The following ANKRD46 variants were observed in gnomAD, a reference collection of about 807,000 sequenced individuals.
ANKRD46 encodes the protein ankyrin repeat domain 46.
In ANKRD46, 13 loss-of-function variants were observed where a neutral mutation model predicts 19.8. The observed-to-expected ratio is 0.66, with a 90% CI of 0.43 to 1.04. ANKRD46 has a LOEUF of 1.04. Ranked by LOEUF, ANKRD46 falls within the 50% of genes least tolerant of loss-of-function variation. The probability of loss-of-function intolerance (pLI) is 0.00; values close to 1 mark genes in which losing one functional copy is unlikely to be tolerated. For synonymous variants in ANKRD46, 91 were observed against 106.9 expected, an observed-to-expected ratio of 0.85 and a Z score of 0.92; for missense variants, 185 against 274.8, an observed-to-expected ratio of 0.67 and a Z score of 2.31.
At chr8:100,553,945 T>C (rs1293570924) in intron 1 of ANKRD46, among the ~76,000 whole-genome samples, 2 of 152,260 alleles carry the variant, frequency 1.3e-5, no homozygotes, top group African/African-American at 4.8e-5. Flanking sequence ...TGCATTTGTT[T>C]CTGATTTACT....
intron 1 of ANKRD46, among the ~76,000 whole-genome samples, chr8:100,538,840 A>C (rs1812117595): frequency 1.3e-5 from 2 of 152,194 alleles, no homozygotes. Context: ...TACCACAGAG[A>C]GACAATTTTC....
chr8:100,558,775 G>A lies in ANKRD46; in HGVS notation c.-131+936C>T, dbSNP rs1192513263. Among the ~76,000 whole-genome samples the A allele has an allele frequency of 2.0e-5, 3 of 152,146 alleles. No individual in the cohort carries two copies. The East Asian group carries it at 5.8e-4, about 29-fold the overall frequency. Reference sequence around the variant, plus strand: ...AGCCTTTGCTAGCTTTCTGACCTTGGAGAAGTCAGACTCTCGGTGCCTCAG... The same window carrying A: ...AGCCTTTGCTAGCTTTCTGACCTTGAAGAAGTCAGACTCTCGGTGCCTCAG... On this transcript the variant is annotated intron_variant, in intron 1 of 4. Coordinates refer to ENST00000335659, the MANE Select transcript of ANKRD46 (RefSeq NM_001270377.2).
intron 1 of ANKRD46, among the ~76,000 whole-genome samples, chr8:100,555,126 T>C (rs1382376896): frequency 2.0e-5 from 3 of 152,156 alleles, no homozygotes; most frequent in Admixed American, 1.3e-4. Flanking sequence ...AATAGTGTCT[T>C]TTATAGAATG....
In ANKRD46 at chr8:100,522,229, G is replaced by A. The variant is rs1811738139; in HGVS notation, c.*326C>T. The A allele has an allele frequency of 2.7e-6, 3 of 1,098,330 alleles. No homozygotes were observed. The highest frequency in any genetic ancestry group is 3.3e-6 in the Non-Finnish European group (3 of 899,156). 68.0% of individuals were successfully genotyped at this position (1,098,330 alleles called of 1,614,324 possible). The stretch of plus-strand genomic sequence containing the variant: ...TCAATTGGTCCTATATTAGGATAAG[G>A]TTTTGATAGCAAGGACTTCCTAGCT... On this transcript the variant is annotated 3_prime_UTR_variant, in exon 5 of 5. Transcript: ENST00000335659.
At chr8:100,541,814 T>C (rs903875978) in intron 1 of ANKRD46, among the ~76,000 whole-genome samples, 10 of 152,200 alleles carry the variant, frequency 6.6e-5, no homozygotes, top group Admixed American at 5.9e-4. Flanking sequence ...TCCCATAAGA[T>C]TAGAATATTC....
rs947868422 is a variant in ANKRD46 at position 100,546,985 on chromosome 8, T to C, written c.-131+12726A>G. On this transcript the variant is annotated intron_variant, in intron 1 of 4. Transcript: ENST00000335659. The surrounding 1 kb of genome is among the most constrained non-coding windows in gnomAD (Gnocchi z 4.0). ...CATTTACCCAATGCCTGTGCCCTCATTGTATCTTGGAAGTAACTAACTTGC... is the reference window on the plus strand; with the variant it reads ...CATTTACCCAATGCCTGTGCCCTCACTGTATCTTGGAAGTAACTAACTTGC... Among the ~76,000 whole-genome samples, 3 of 152,226 alleles carry C rather than the reference T, an allele frequency of 2.0e-5. No homozygotes were observed. The highest frequency in any genetic ancestry group is 1.9e-4 in the East Asian group (1 of 5,202).
chr8:100,523,569 CTTT>C (rs1166256549), intron 4 of ANKRD46, among the ~76,000 whole-genome samples: 4 of 151,940 alleles, frequency 2.6e-5, no homozygotes, highest in East Asian at 1.9e-4. Flanking sequence ...GGAATTCCTT[CTTT>C]AATTGTAATT....
chr8:100,512,878 T>G (rs1811569084), intron 5 of ANKRD46, among the ~76,000 whole-genome samples: 1 of 152,234 alleles, frequency 6.6e-6, no homozygotes, highest in Non-Finnish European at 1.5e-5. Context: ...CCCTGTTCAA[T>G]GTAAACCTGA....
At chr8:100,512,859 TA>T (rs977642148) in intron 5 of ANKRD46, among the ~76,000 whole-genome samples, 1 of 152,222 alleles carries the variant, frequency 6.6e-6, no homozygotes, top group African/African-American at 2.4e-5. Context: ...GGTTAAAACG[TA>T]TACACTTCCC....
At chr8:100,520,746 A>AG (rs1811707175), downstream of ANKRD46, 1 of 945,574 alleles carries the variant, frequency 1.1e-6, no homozygotes, top group African/African-American at 1.8e-5. Flanking sequence ...TACACTAAAA[A>AG]AAAAAAAAAA....
intron 1 of ANKRD46, among the ~76,000 whole-genome samples, chr8:100,539,164 A>T (rs992347917): frequency 1.3e-5 from 2 of 152,202 alleles, no homozygotes; most frequent in African/African-American, 4.8e-5. Flanking sequence ...TTCATCCTAA[A>T]CTAGGATGGA....
intron 3 of ANKRD46, among the ~76,000 whole-genome samples, 183 bp from the exon 4 acceptor site, chr8:100,528,186 C>T (rs1269953450): frequency 6.6e-6 from 1 of 152,126 alleles, no homozygotes; most frequent in Non-Finnish European, 1.5e-5. Context: ...CACTACAACT[C>T]TTCCACCATG....
downstream of ANKRD46, among the ~76,000 whole-genome samples, chr8:100,519,765 C>T (rs1811691466): frequency 6.6e-6 from 1 of 152,172 alleles, no homozygotes; most frequent in African/African-American, 2.4e-5. Context: ...GGGCTCCACA[C>T]TGCCAGCCTG....
chr8:100,558,523 T>C (rs1442155064), intron 1 of ANKRD46, among the ~76,000 whole-genome samples: 2 of 152,216 alleles, frequency 1.3e-5, no homozygotes. Context: ...AGTTTAACTT[T>C]ATTATCACTA....
In ANKRD46 at chr8:100,550,913, G is replaced by A. The variant is rs1812374552; in HGVS notation, c.-131+8798C>T. Reference sequence around the variant, plus strand: ...GTTCAGTGTAGCCCAAGATGCCCTTGAGGGGCCCTCTGACGCCTGCTTCAC... The same window carrying A: ...GTTCAGTGTAGCCCAAGATGCCCTTAAGGGGCCCTCTGACGCCTGCTTCAC... On this transcript the variant is annotated intron_variant, in intron 1 of 4. Transcript: ENST00000335659. This position sits in a 1 kb window ranked among gnomAD's most constrained non-coding sequence, Gnocchi z 4.4. 5.1e-6 allele frequency: 3 copies of A among 592,018 alleles called. No individual in the cohort carries two copies. The highest frequency in any genetic ancestry group is 4.0e-5 in the Admixed American group (2 of 49,608). 36.7% of individuals were successfully genotyped at this position (592,018 alleles called of 1,614,324 possible). A position where few individuals can be genotyped will look rare whatever the true frequency, so the allele number is the denominator to read the frequency against.
At position 100,515,409 on chromosome 8, in the gene ANKRD46, A is replaced by T. The variant is rs1046812564; in HGVS notation, c.637-4770T>A. On this transcript the variant is annotated intron_variant, in intron 5 of 5. Transcript: ENST00000520552. The stretch of plus-strand genomic sequence containing the variant: ...TGGATTTTTTTTGAGAAGTGGCAAG[A>T]TTTCTCAAAAGAAAATTGTTTATCA... 4.6e-5 allele frequency among the ~76,000 whole-genome samples: 7 copies of T among 152,186 alleles called. 1 individual carries two copies. Among genetic ancestry groups the T allele is most frequent in the African/African-American group, 1.7e-4 (7 of 41,416 alleles).
chr8:100,532,641 G>C lies in ANKRD46; in HGVS notation c.-28+568C>G, dbSNP rs1208772693. 6.6e-6 allele frequency among the ~76,000 whole-genome samples: 1 copy of C among 152,180 alleles called. No homozygotes were observed. The highest frequency in any genetic ancestry group is 1.5e-5 in the Non-Finnish European group (1 of 68,038). On this transcript the variant is annotated intron_variant, in intron 2 of 4. Coordinates refer to ENST00000335659, the MANE Select transcript of ANKRD46 (RefSeq NM_001270377.2). The surrounding 1 kb of genome is among the most constrained non-coding windows in gnomAD (Gnocchi z 4.7). ...CCTGGGTCACAATGGAAGAAGAATT[G>C]TCTTGGGCTACACATAAAATACATA...
At chr8:100,558,990 C>T (rs934542130) in intron 1 of ANKRD46, 22 of 152,182 alleles carry the variant, frequency 1.4e-4, no homozygotes, top group Admixed American at 4.6e-4. Flanking sequence ...GTACCACCGT[C>T]ATTTTTTAAA....
At chr8:100,516,423 C>T (rs1811631059), downstream of ANKRD46, among the ~76,000 whole-genome samples, 1 of 152,170 alleles carries the variant, frequency 6.6e-6, no homozygotes, top group Non-Finnish European at 1.5e-5. Context: ...AATACATTTT[C>T]TGCTGTTATG....
Sources: allele counts gnomAD v4.1 joint callset (sites outside exome capture counted in the v4.1 genomes callset), GRCh38; gene constraint gnomAD v4.1.1; non-coding constraint Gnocchi (gnomAD v3.1); transcripts MANE v1.5; gene names NCBI Gene and HGNC (gene_info 2026-07-23, HGNC 2026-07-21).